Variants in UPF2 observed in about 807,000 individuals in gnomAD.
UPF2 encodes the protein UPF2 regulator of nonsense mediated mRNA decay.
UPF2 carries 17 observed loss-of-function variants against 141.4 expected under a neutral mutation model. The observed-to-expected ratio is 0.12, with a 90% CI of 0.08 to 0.18. The LOEUF (loss-of-function observed/expected upper bound fraction) is 0.18, where lower values mean the gene tolerates loss of function less well. Ranked by LOEUF, UPF2 falls within the 10% of genes least tolerant of loss-of-function variation. UPF2 has a pLI of 1.00. For missense variants in UPF2, 1,152 were observed against 1,515.9 expected (o/e 0.76, Z 3.99); for synonymous variants, 540 against 498.0 (o/e 1.08, Z -1.12).
rs547168255 is a variant in UPF2 at position 12,042,423 on chromosome 10, C to G, written c.-19+332G>C. 6.6e-6 allele frequency among the ~76,000 whole-genome samples: 1 copy of G among 152,286 alleles called. No homozygotes were observed. The highest frequency in any genetic ancestry group is 2.1e-4 in the South Asian group (1 of 4,832). ...TCCCCCGACCTCCCCTCGCTCTCCT[C>G]CACGCCCCCGAACACTTTCGCCCCT... On this transcript the variant is annotated intron_variant, in intron 1 of 21. Transcript: ENST00000357604. The surrounding 1 kb of genome is among the most constrained non-coding windows in gnomAD (Gnocchi z 5.5).
intron 8 of UPF2, among the ~76,000 whole-genome samples, chr10:11,982,456 C>G (rs553903660): frequency 1.3e-5 from 2 of 152,302 alleles, no homozygotes; most frequent in African/African-American, 4.8e-5. Context: ...GATGCTCTGA[C>G]TCAGGGCCTA....
chr10:12,011,686 C>G (rs1317617406), intron 4 of UPF2, among the ~76,000 whole-genome samples: 1 of 152,000 alleles, frequency 6.6e-6, no homozygotes, highest in South Asian at 2.1e-4. Flanking sequence ...TGGCTCACAC[C>G]TGTAATCCCA....
chr10:11,923,795 CGG>C (rs1832677480), intron 21 of UPF2, among the ~76,000 whole-genome samples: 1 of 151,978 alleles, frequency 6.6e-6, no homozygotes, highest in Admixed American at 6.6e-5. Flanking sequence ...GCCGAGATCC[CGG>C]CACTGCACTC....
chr10:12,005,535 A>C (rs1384762144), intron 4 of UPF2, among the ~76,000 whole-genome samples: 3 of 152,154 alleles, frequency 2.0e-5, no homozygotes, highest in Non-Finnish European at 4.4e-5. Flanking sequence ...TCCAAGGCTT[A>C]ATTTCCCCCT....
chr10:11,938,864 T>TTTTTTG (rs1832894545), intron 18 of UPF2, among the ~76,000 whole-genome samples: 1 of 81,064 alleles, frequency 1.2e-5, no homozygotes, highest in Non-Finnish European at 2.4e-5. Context: ...TTTTTTTTTT[T>TTTTTTG]TTTTTTTTTT....
chr10:12,011,194 T>C (rs1030441441), intron 4 of UPF2, among the ~76,000 whole-genome samples: 8 of 152,226 alleles, frequency 5.3e-5, no homozygotes, highest in Non-Finnish European at 1.0e-4. Context: ...GGTCTCGCTA[T>C]GTTACCCAGG....
Position 12,019,707 on chromosome 10 carries a change from T to C in UPF2, c.1146-5523A>G, listed in dbSNP as rs997596895. Among the ~76,000 whole-genome samples the C allele has an allele frequency of 1.3e-5, 2 of 152,080 alleles. No individual in the cohort carries two copies. Among genetic ancestry groups the C allele is most frequent in the Non-Finnish European group, 2.9e-5 (2 of 67,980 alleles). On this transcript the variant is annotated intron_variant, in intron 3 of 21. Coordinates refer to ENST00000357604, the MANE Select transcript of UPF2 (RefSeq NM_015542.4). This position sits in a 1 kb window ranked among gnomAD's most constrained non-coding sequence, Gnocchi z 4.5. ...AGAATCTCTAAAGTACGTCAGTCCT[T>C]GATTTTATGGAGTGTTTTTTTTTGT... is the stretch of plus-strand genomic sequence containing the variant.
chr10:11,948,329 T>A (rs964054100), intron 16 of UPF2, 40 bp downstream of exon 16: 2 of 1,530,666 alleles, frequency 1.3e-6, no homozygotes, highest in African/African-American at 1.4e-5. Context: ...AATACTCTTA[T>A]ACAAATGTAC....
At chr10:12,031,706 G>A (rs1246997411) in intron 2 of UPF2, among the ~76,000 whole-genome samples, 1 of 152,028 alleles carries the variant, frequency 6.6e-6, no homozygotes, top group Non-Finnish European at 1.5e-5. Flanking sequence ...AGCCCAGGAG[G>A]TTGAAGCTGC....
Position 11,936,630 on chromosome 10 carries a change from G to A in UPF2, c.3461C>T (p.Pro1154Leu), listed in dbSNP as rs267602386. ...LHLKSQLRKG[P>L]PLGGGEGEAE... is the part of the protein sequence containing the mutation. The stretch of plus-strand genomic sequence containing the variant: ...CTCTCCTTCCCCACCTCCCAGTGGG[G>A]GCCCTTTCCTCAGCTGGCTTTTGAG... Residue 1154 changes from proline (P) to leucine (L), a missense_variant, in exon 19 of 22, where the codon CCC (proline) becomes CTC (leucine). Coordinates refer to ENST00000357604, the MANE Select transcript of UPF2 (RefSeq NM_015542.4). The surrounding 1 kb of genome is among the most constrained non-coding windows in gnomAD (Gnocchi z 6.6). 3 of 1,613,490 alleles carry A rather than the reference G, an allele frequency of 1.9e-6. No homozygotes were observed. Among genetic ancestry groups the A allele is most frequent in the Non-Finnish European group, 2.5e-6 (3 of 1,179,764 alleles).
chr10:12,034,425 C>T (rs1277385890), intron 2 of UPF2, among the ~76,000 whole-genome samples: 1 of 151,922 alleles, frequency 6.6e-6, no homozygotes, highest in Non-Finnish European at 1.5e-5. Flanking sequence ...TAGGTTCAAG[C>T]GATTCTCCTA....
chr10:11,935,502 C>G lies in UPF2; in HGVS notation c.3546+1043G>C, dbSNP rs1832837932. On this transcript the variant is annotated intron_variant, in intron 19 of 21. Coordinates refer to ENST00000357604, the MANE Select transcript of UPF2 (RefSeq NM_015542.4). The surrounding 1 kb of genome is among the most constrained non-coding windows in gnomAD (Gnocchi z 4.9). The stretch of plus-strand genomic sequence containing the variant: ...ACCATTATTTTACTTATCACTAAAG[C>G]AGAAAGAAATGCTGTCAGTTAACAC... Among the ~76,000 whole-genome samples the G allele has an allele frequency of 6.6e-6, 1 of 152,132 alleles. No individual in the cohort carries two copies.
At chr10:11,994,342 G>A (rs939963878) in intron 8 of UPF2, among the ~76,000 whole-genome samples, 1 of 152,178 alleles carries the variant, frequency 6.6e-6, no homozygotes, top group South Asian at 2.1e-4. Context: ...TATGTCCTGA[G>A]ATGAAAAGAT....
Position 11,959,313 on chromosome 10 carries a change from C to G in UPF2, c.2228G>C (p.Arg743Thr). The change falls in exon 12 of 22, where the codon AGA (arginine) becomes ACA (threonine). Residue 743 changes from arginine to threonine, a missense_variant. Coordinates refer to ENST00000357604, the MANE Select transcript of UPF2 (RefSeq NM_015542.4). The surrounding 1 kb of genome is among the most constrained non-coding windows in gnomAD (Gnocchi z 5.9). ...TGCATTCTCTACCATTGTGACGTAT[C>G]TCGCATCAAGATGCATTGCTTGCTT... ...RKKQAMHLDA[R>T]YVTMVENAYY... The G allele has an allele frequency of 6.3e-7, 1 of 1,596,202 alleles. No homozygotes were observed. Among genetic ancestry groups the G allele is most frequent in the African/African-American group, 1.4e-5 (1 of 73,652 alleles).
chr10:11,996,199 A>T (rs895201443), intron 8 of UPF2, among the ~76,000 whole-genome samples: 2 of 152,196 alleles, frequency 1.3e-5, no homozygotes, highest in Non-Finnish European at 2.9e-5. Flanking sequence ...TTTTAGAATA[A>T]TATAACAATC....
chr10:11,981,230 T>C (rs1833587977), intron 8 of UPF2, among the ~76,000 whole-genome samples: 1 of 152,150 alleles, frequency 6.6e-6, no homozygotes, highest in South Asian at 2.1e-4. Context: ...CTGGCTAAAT[T>C]CATACCTAAA....
chr10:11,926,953 C>T (rs1488153392), intron 21 of UPF2, among the ~76,000 whole-genome samples: 1 of 152,180 alleles, frequency 6.6e-6, no homozygotes. Flanking sequence ...TGACAGCACA[C>T]ACATGCTCAC....
Position 11,948,457 on chromosome 10 carries a change from A to G in UPF2, c.3086T>C (p.Leu1029Pro), listed in dbSNP as rs753666329. Residue 1029 changes from leucine (L) to proline (P), a missense_variant, in exon 16 of 22, where the codon CTT (leucine) becomes CCT (proline). Leu to Pro is a moderately conservative substitution (Grantham distance 98, BLOSUM62 -3). Coordinates refer to ENST00000357604, the MANE Select transcript of UPF2 (RefSeq NM_015542.4). The part of the protein sequence containing the change: ...SKDSMTEGEN[L>P]EEDEEEEEGG... ...TTCTTCTTCTTCTTCATCCTCTTCA[A>G]GATTTTCTCCTTCTGTCATAGAATC... is the stretch of plus-strand genomic sequence containing the variant. 6 of 1,613,122 alleles carry G rather than the reference A, an allele frequency of 3.7e-6. No individual in the cohort carries two copies. Among genetic ancestry groups the G allele is most frequent in the Non-Finnish European group, 5.1e-6 (6 of 1,179,934 alleles).
Position 11,959,242 on chromosome 10 carries a change from T to C in UPF2, c.2299A>G (p.Lys767Glu). 1 of 1,613,894 alleles carries C rather than the reference T, an allele frequency of 6.2e-7. No individual in the cohort carries two copies. Among genetic ancestry groups the C allele is most frequent in the Non-Finnish European group, 8.5e-7 (1 of 1,179,924 alleles). The change falls in exon 12 of 22, where the codon AAA becomes GAA. Residue 767 changes from lysine (K) to glutamate (E), a missense_variant. This residue lies in a region of UPF2 where 739 missense variants were observed against 1,032.2 expected (regional missense o/e 0.72). Transcript: ENST00000357604. This position sits in a 1 kb window ranked among gnomAD's most constrained non-coding sequence, Gnocchi z 5.9. The part of the protein sequence containing the change: ...PPPAEKTVKK[K>E]RPPLQEYVRK... ...ACATATTCCTGGAGAGGAGGACGTT[T>C]CTTTTTCACGGTTTTTTCAGCTGGA...
Sources: gnomAD v4.1 joint callset for allele counts (sites outside exome capture counted in the v4.1 genomes callset) on GRCh38, gnomAD v4.1.1 for gene constraint, gnomAD v4.1.1 regional missense constraint, Gnocchi (gnomAD v3.1) non-coding constraint, MANE v1.5 for transcripts, NCBI Gene and HGNC (gene_info 2026-07-23, HGNC 2026-07-21) for gene names.